Variants in SEMA3E observed in about 807,000 individuals in gnomAD.
The protein encoded by SEMA3E is semaphorin 3E, also known as semaphorin-3E.
In SEMA3E, 49 loss-of-function variants were observed where a neutral mutation model predicts 93.6. The ratio of observed to expected loss-of-function variants is 0.52; its 90% CI spans 0.42 to 0.66. The LOEUF (loss-of-function observed/expected upper bound fraction) is 0.66, where lower values mean the gene tolerates loss of function less well. Ranked by LOEUF, SEMA3E falls within the 30% of genes least tolerant of loss-of-function variation. The pLI is 0.00. For synonymous variants in SEMA3E, 363 were observed against 330.7 expected, an observed-to-expected ratio of 1.10 and a Z score of -1.06; for missense variants, 906 against 964.8, an observed-to-expected ratio of 0.94 and a Z score of 0.81.
intron 1 of SEMA3E, among the ~76,000 whole-genome samples, chr7:83,534,571 G>C (rs1791374737): frequency 2.0e-5 from 3 of 152,042 alleles, no homozygotes; most frequent in Admixed American, 2.0e-4. Flanking sequence ...CCATTAAATG[G>C]TCACAATTCA....
intron 1 of SEMA3E, among the ~76,000 whole-genome samples, chr7:83,546,141 G>GA (rs1176929967): frequency 6.7e-6 from 1 of 149,066 alleles, no homozygotes; most frequent in Non-Finnish European, 1.5e-5. Context: ...TTTTATTTGG[G>GA]AAAAAAATTT....
At chr7:83,423,393 T>C (rs932506936) in intron 4 of SEMA3E, among the ~76,000 whole-genome samples, 3 of 152,238 alleles carry the variant, frequency 2.0e-5, no homozygotes, top group East Asian at 1.9e-4. Context: ...CAAATACCTA[T>C]CTCACATTTA....
chr7:83,535,860 C>A (rs1403505642), intron 1 of SEMA3E, among the ~76,000 whole-genome samples: 1 of 152,104 alleles, frequency 6.6e-6, no homozygotes, highest in East Asian at 1.9e-4. Flanking sequence ...ATTAAAGCTG[C>A]ACTAAATGTG....
rs1260292340 is a variant in SEMA3E, at chr7:83,363,262, T to A, written c.*4324A>T. On this transcript the variant is annotated 3_prime_UTR_variant, in exon 17 of 17. Coordinates refer to ENST00000643230, the MANE Select transcript of SEMA3E (RefSeq NM_012431.3). ...CTTGAGAGTTTAGCAAATATTTATTTCTTTTTCATCGAAGTTGAGCCAAAT... is the reference window on the plus strand; with the variant it reads ...CTTGAGAGTTTAGCAAATATTTATTACTTTTTCATCGAAGTTGAGCCAAAT... The A allele has an allele frequency of 6.6e-6, 1 of 152,244 alleles. No homozygotes were observed. Among genetic ancestry groups the A allele is most frequent in the Non-Finnish European group, 1.5e-5 (1 of 68,044 alleles). The allele number at this position is 152,244 out of a possible 1,614,324, so 9.4% of individuals were successfully genotyped here. A position where few individuals can be genotyped will look rare whatever the true frequency, so the allele number is the denominator to read the frequency against.
chr7:83,562,256 A>AT (rs1362329194), intron 1 of SEMA3E, among the ~76,000 whole-genome samples: 6 of 151,890 alleles, frequency 4.0e-5, no homozygotes, highest in Admixed American at 6.6e-5. Context: ...TTTTTTTGTG[A>AT]TTTTTTTCAG....
chr7:83,564,233 A>G (rs1792094707), intron 1 of SEMA3E, among the ~76,000 whole-genome samples: 1 of 152,174 alleles, frequency 6.6e-6, no homozygotes, highest in African/African-American at 2.4e-5. Context: ...CAAGAAATTA[A>G]AAACATGAAA....
At position 83,400,072 on chromosome 7, in the gene SEMA3E, A is replaced by G. The variant is rs765714534; in HGVS notation, c.1322T>C (p.Val441Ala). 6 of 1,613,848 alleles carry G rather than the reference A, an allele frequency of 3.7e-6. No individual in the cohort carries two copies. The highest frequency in any genetic ancestry group is 1.7e-5 in the Admixed American group (1 of 59,978). ...GTCATATTGGCCATCCTCAGCTTCCACTCGATCTACTGCTATTTGTTTCAG... is the reference window on the plus strand; with the variant it reads ...GTCATATTGGCCATCCTCAGCTTCCGCTCGATCTACTGCTATTTGTTTCAG... ...YNLKQIAVDR[V>A]EAEDGQYDVL... The change falls in exon 11 of 17, where the codon GTG becomes GCG. Residue 441 changes from valine (V) to alanine (A), a missense_variant. Transcript: ENST00000643230.
chr7:83,546,761 G>A (rs1021985404), intron 1 of SEMA3E, among the ~76,000 whole-genome samples: 1 of 151,966 alleles, frequency 6.6e-6, no homozygotes, highest in Non-Finnish European at 1.5e-5. Context: ...AATTAATGAT[G>A]AGTAACACAG....
chr7:83,390,037 A>G lies in SEMA3E; in HGVS notation c.1667+2518T>C, dbSNP rs191288860. ...TACGCGTATATGTGTATACGTATAC[A>G]CATATATGCGCGTATACGTGTGCAC... On this transcript the variant is annotated intron_variant, in intron 14 of 16. Coordinates refer to ENST00000643230, the MANE Select transcript of SEMA3E (RefSeq NM_012431.3). Among the ~76,000 whole-genome samples the G allele has an allele frequency of 1.4e-4, 20 of 146,554 alleles. 1 individual carries two copies. Among genetic ancestry groups the G allele is most frequent in the African/African-American group, 4.7e-4 (19 of 40,398 alleles).
At chr7:83,532,059 CAT>C (rs1791313023) in intron 1 of SEMA3E, among the ~76,000 whole-genome samples, 2 of 152,014 alleles carry the variant, frequency 1.3e-5, no homozygotes, top group Non-Finnish European at 2.9e-5. Context: ...CTGGGTAAAA[CAT>C]GTATAAATTA....
intron 1 of SEMA3E, among the ~76,000 whole-genome samples, chr7:83,574,083 T>A (rs215285): frequency 0.43 from 64,911 of 151,864 alleles, 14,977 homozygotes; most frequent in African/African-American, 0.61. Flanking sequence ...TCAAATACTA[T>A]CCTTGACTTT....
chr7:83,540,055 T>G (rs1368426122), intron 1 of SEMA3E, among the ~76,000 whole-genome samples: 1 of 152,106 alleles, frequency 6.6e-6, no homozygotes, highest in Non-Finnish European at 1.5e-5. Context: ...GGGTAATTTT[T>G]GTATTTTTAG....
At chr7:83,370,630 C>A (rs1311144925) in intron 16 of SEMA3E, among the ~76,000 whole-genome samples, 1 of 152,080 alleles carries the variant, frequency 6.6e-6, no homozygotes, top group African/African-American at 2.4e-5. Context: ...TCAGATACTT[C>A]TTTAAGGCTG....
chr7:83,535,743 C>G (rs17157750), intron 1 of SEMA3E, among the ~76,000 whole-genome samples: 20,702 of 151,894 alleles, frequency 0.14, 2,016 homozygotes, highest in African/African-American at 0.26. Flanking sequence ...ATTTTGTTAA[C>G]AAGAGGTTAG....
chr7:83,555,294 T>C (rs777344260), intron 1 of SEMA3E, among the ~76,000 whole-genome samples: 4 of 152,226 alleles, frequency 2.6e-5, no homozygotes, highest in Admixed American at 6.5e-5. Context: ...AATATATGCA[T>C]GTAACACAAC....
intron 4 of SEMA3E, among the ~76,000 whole-genome samples, chr7:83,465,312 C>A (rs1293740231): frequency 3.3e-5 from 5 of 152,098 alleles, no homozygotes; most frequent in Non-Finnish European, 5.9e-5. Context: ...CCCGCCTGCA[C>A]CCAGGTGAAA....
intron 1 of SEMA3E, among the ~76,000 whole-genome samples, chr7:83,639,547 C>CA (rs1370548174): frequency 6.6e-6 from 1 of 151,454 alleles, no homozygotes; most frequent in Non-Finnish European, 1.5e-5. Context: ...AAGGGTCTTA[C>CA]AAAAAATTAC....
intron 1 of SEMA3E, among the ~76,000 whole-genome samples, chr7:83,556,310 T>A (rs541452113): frequency 6.6e-6 from 1 of 152,310 alleles, no homozygotes; most frequent in African/African-American, 2.4e-5. Flanking sequence ...ATATTACATA[T>A]GTCCATGCAA....
intron 1 of SEMA3E, among the ~76,000 whole-genome samples, chr7:83,591,105 G>T (rs1356995462): frequency 5.3e-5 from 3 of 57,100 alleles, no homozygotes; most frequent in Admixed American, 1.9e-4. Context: ...AGAGTTATTT[G>T]CAAAAAAAAA....
Sources: gnomAD v4.1 joint callset for allele counts (sites outside exome capture counted in the v4.1 genomes callset) on GRCh38, gnomAD v4.1.1 for gene constraint, MANE v1.5 for transcripts, NCBI Gene and HGNC (gene_info 2026-07-23, HGNC 2026-07-21) for gene names.